CNNM2: variants seen among roughly 807,000 people sequenced by gnomAD.
CNNM2 encodes cyclin and CBS domain divalent metal cation transport mediator 2, also known as metal transporter CNNM2.
CNNM2 carries 12 observed loss-of-function variants against 66.9 expected under a neutral mutation model. The observed-to-expected ratio is 0.18, with a 90% CI of 0.11 to 0.29. The LOEUF (loss-of-function observed/expected upper bound fraction) is 0.29. Ranked by LOEUF, CNNM2 falls within the 10% of genes least tolerant of loss-of-function variation. The probability of loss-of-function intolerance (pLI) is 1.00; values close to 1 mark genes in which losing one functional copy is unlikely to be tolerated. For missense variants in CNNM2, 705 were observed against 1,167.7 expected, an observed-to-expected ratio of 0.60 and a Z score of 5.77; for synonymous variants, 557 against 501.8, an observed-to-expected ratio of 1.11 and a Z score of -1.47.
At position 103,087,135 on chromosome 10, in the gene CNNM2, G is replaced by A. The variant is rs1434410931; in HGVS notation, c.*9955G>A. Reference sequence around the variant, plus strand: ...TGGTCTTCTCACGGTATAAAACTCCGCAGGATTTTTTTTTTTTTTTTTTTT... The same window carrying A: ...TGGTCTTCTCACGGTATAAAACTCCACAGGATTTTTTTTTTTTTTTTTTTT... On this transcript the variant is annotated 3_prime_UTR_variant, in exon 8 of 8. Transcript: ENST00000369878. 6 of 77,832 alleles carry A rather than the reference G, an allele frequency of 7.7e-5. No individual in the cohort carries two copies. The highest frequency in any genetic ancestry group is 4.3e-4 in the East Asian group (1 of 2,342). 4.8% of individuals were successfully genotyped at this position (77,832 alleles called of 1,614,324 possible).
intron 1 of CNNM2, among the ~76,000 whole-genome samples, chr10:102,968,558 T>G (rs2063500611): frequency 6.6e-6 from 1 of 151,976 alleles, no homozygotes; most frequent in Non-Finnish European, 1.5e-5. Context: ...TTCCACATCT[T>G]TGTCAACACT....
intron 4 of CNNM2, among the ~76,000 whole-genome samples, chr10:103,065,433 C>T (rs367860249): frequency 6.6e-6 from 1 of 152,120 alleles, no homozygotes; most frequent in African/African-American, 2.4e-5. Context: ...GTGGAACCAC[C>T]GCACGCTTCC....
intron 4 of CNNM2, among the ~76,000 whole-genome samples, chr10:103,062,403 T>C (rs1219622246): frequency 1.3e-5 from 2 of 152,228 alleles, no homozygotes; most frequent in Non-Finnish European, 2.9e-5. Flanking sequence ...GCACGGTCTG[T>C]GTACCCTAGT....
rs151046522 is a variant in CNNM2 at position 102,955,381 on chromosome 10, G to A, written c.1621+35280G>A. ...CTTATACAAAAATTAATTCAAGGTG[G>A]ATTAAAGACTTAAATGTTAGACCTA... On this transcript the variant is annotated intron_variant, in intron 1 of 7. Coordinates refer to ENST00000369878, the MANE Select transcript of CNNM2 (RefSeq NM_017649.5). Among the ~76,000 whole-genome samples, 620 of 152,264 alleles carry A rather than the reference G, an allele frequency of 4.1e-3. 20 individuals carry two copies. In the East Asian group the frequency reaches 0.073, roughly 18 times the overall value.
intron 1 of CNNM2, among the ~76,000 whole-genome samples, chr10:102,950,379 T>C (rs912421384): frequency 6.6e-6 from 1 of 152,224 alleles, no homozygotes; most frequent in Non-Finnish European, 1.5e-5. Context: ...AAACAGAGTC[T>C]TACCATATTT....
intron 1 of CNNM2, among the ~76,000 whole-genome samples, chr10:103,016,470 C>A (rs1463254135): frequency 1.3e-5 from 2 of 152,024 alleles, no homozygotes; most frequent in Non-Finnish European, 2.9e-5. Flanking sequence ...AGGTCATGTC[C>A]CTGCCTTCGT....
At chr10:102,933,121 G>A (rs953210027) in intron 1 of CNNM2, among the ~76,000 whole-genome samples, 1 of 152,026 alleles carries the variant, frequency 6.6e-6, no homozygotes, top group African/African-American at 2.4e-5. Context: ...AGGATTCCTT[G>A]CATTTCCATG....
intron 6 of CNNM2, among the ~76,000 whole-genome samples, chr10:103,072,047 G>A (rs1286780330): frequency 6.6e-6 from 1 of 152,202 alleles, no homozygotes; most frequent in Non-Finnish European, 1.5e-5. Flanking sequence ...ACAGCGCAAA[G>A]TCACCATGCA....
intron 1 of CNNM2, among the ~76,000 whole-genome samples, chr10:103,006,900 G>T (rs1462983685): frequency 6.6e-6 from 1 of 152,102 alleles, no homozygotes; most frequent in African/African-American, 2.4e-5. Context: ...CTGAAGCACT[G>T]GTATTAAAGG....
chr10:102,948,890 A>AGG (rs35920149), intron 1 of CNNM2, among the ~76,000 whole-genome samples: 28 of 152,084 alleles, frequency 1.8e-4, no homozygotes, highest in Non-Finnish European at 2.9e-5. Context: ...AGAGAGAGAG[A>AGG]GGCAAAATAT....
At chr10:103,003,985 A>ATTTTTTTTTTTT (rs869152743) in intron 1 of CNNM2, among the ~76,000 whole-genome samples, 1 of 83,968 alleles carries the variant, frequency 1.2e-5, no homozygotes, top group African/African-American at 4.8e-5. Flanking sequence ...CATTGCATGA[A>ATTTTTTTTTTTT]TTTTTTTTTT....
chr10:103,056,975 T>A lies in CNNM2; in HGVS notation c.2073+11T>A. On this transcript the variant is annotated intron_variant, in intron 4 of 7. Transcript: ENST00000369878. ...GTTCTCATTCTGCAGGTCAGAAGAA[T>A]TATTCAATAGTGGTTTGCTCTCACT... The A allele has an allele frequency of 6.2e-7, 1 of 1,606,466 alleles. No individual in the cohort carries two copies. The highest frequency in any genetic ancestry group is 8.5e-7 in the Non-Finnish European group (1 of 1,176,834).
At chr10:102,920,229 T>C in intron 1 of CNNM2, 128 bp downstream of exon 1, 9 of 1,585,538 alleles carry the variant, frequency 5.7e-6, no homozygotes, top group South Asian at 1.1e-5. Flanking sequence ...TCCCTCTTAA[T>C]TGCAAAGTTG....
chr10:102,943,857 C>T lies in CNNM2; in HGVS notation c.1621+23756C>T, dbSNP rs552002569. On this transcript the variant is annotated intron_variant, in intron 1 of 7. Transcript: ENST00000369878. ...ACACACCTCTGCTCATGTTCTCATC[C>T]TAAAGAGTACTTAGTTCTGTTCGTC... Among the ~76,000 whole-genome samples, 11 of 152,264 alleles carry T rather than the reference C, an allele frequency of 7.2e-5. No homozygotes were observed. The South Asian group carries it at 2.1e-3, about 29-fold the overall frequency.
intron 1 of CNNM2, among the ~76,000 whole-genome samples, chr10:102,964,913 A>G (rs146388474): frequency 8.8e-4 from 134 of 152,214 alleles, no homozygotes; most frequent in African/African-American, 3.2e-3. Context: ...CTCCCTCATG[A>G]AAGTGATTGA....
At chr10:103,067,371 T>G (rs558993289) in intron 4 of CNNM2, among the ~76,000 whole-genome samples, 7 of 152,156 alleles carry the variant, frequency 4.6e-5, no homozygotes, top group Non-Finnish European at 1.0e-4. Context: ...CCCAGCCTCC[T>G]AGCATCCTGA....
intron 1 of CNNM2, among the ~76,000 whole-genome samples, chr10:102,925,976 G>A (rs1241187477): frequency 6.6e-6 from 1 of 152,060 alleles, no homozygotes; most frequent in Non-Finnish European, 1.5e-5. Flanking sequence ...AGCTTATTTT[G>A]GATATCCTTT....
At chr10:103,049,890 C>T (rs1365419685) in intron 2 of CNNM2, 40 bp downstream of exon 2, 5 of 1,599,814 alleles carry the variant, frequency 3.1e-6, no homozygotes, top group Middle Eastern at 1.7e-4. Flanking sequence ...GAAACCTTTG[C>T]TTTTTTTGTT....
At chr10:102,965,083 A>T (rs1705841793) in intron 1 of CNNM2, among the ~76,000 whole-genome samples, 1 of 152,308 alleles carries the variant, frequency 6.6e-6, no homozygotes, top group African/African-American at 2.4e-5. Context: ...CCGCGCCTTG[A>T]TCTTAGACTT....
Sources: allele counts gnomAD v4.1 joint callset (sites outside exome capture counted in the v4.1 genomes callset), GRCh38; gene constraint gnomAD v4.1.1; transcripts MANE v1.5; gene names NCBI Gene and HGNC (gene_info 2026-07-23, HGNC 2026-07-21).